Variants in CDK14 observed in about 807,000 individuals in gnomAD.
CDK14 encodes the protein cyclin-dependent kinase 14.
Under a neutral mutation model 60.7 loss-of-function variants are expected in CDK14, and 34 were observed. The observed-to-expected ratio is 0.56, with a 90% CI of 0.43 to 0.75. The LOEUF (loss-of-function observed/expected upper bound fraction) is 0.75. Among genes scored for constraint, CDK14 ranks in the 30% least tolerant of loss-of-function variants. The probability of loss-of-function intolerance (pLI) is 0.00; values close to 1 mark genes in which losing one functional copy is unlikely to be tolerated. For missense variants in CDK14, 482 were observed against 564.1 expected (o/e 0.85, Z 1.47); for synonymous variants, 197 against 203.7 (o/e 0.97, Z 0.28).
intron 8 of CDK14, among the ~76,000 whole-genome samples, chr7:90,935,647 G>C (rs1281619946): frequency 6.6e-6 from 1 of 151,308 alleles, no homozygotes. Flanking sequence ...CATGCATTCT[G>C]TTTTTTTTCA....
chr7:90,971,408 G>T (rs1236817493), intron 9 of CDK14, among the ~76,000 whole-genome samples: 1 of 152,058 alleles, frequency 6.6e-6, no homozygotes, highest in Non-Finnish European at 1.5e-5. Context: ...TAATTACTCT[G>T]CCTGACTTCT....
intron 4 of CDK14, among the ~76,000 whole-genome samples, chr7:90,764,584 T>C (rs1303829944): frequency 6.6e-6 from 1 of 152,166 alleles, no homozygotes; most frequent in East Asian, 1.9e-4. Context: ...CAGTGCAAGA[T>C]TGTATGGTAG....
chr7:90,699,130 A>G (rs965291490), intron 2 of CDK14, among the ~76,000 whole-genome samples: 10 of 152,256 alleles, frequency 6.6e-5, no homozygotes, highest in Admixed American at 4.6e-4. Flanking sequence ...CAATAGAAAC[A>G]GGAATACTGG....
intron 9 of CDK14, among the ~76,000 whole-genome samples, chr7:90,981,405 A>G (rs1326015234): frequency 1.3e-5 from 2 of 152,244 alleles, no homozygotes; most frequent in African/African-American, 4.8e-5. Flanking sequence ...CTTAAATAAA[A>G]TTACATCCTA....
chr7:90,999,797 A>C (rs1195924998), intron 10 of CDK14, among the ~76,000 whole-genome samples: 1 of 152,210 alleles, frequency 6.6e-6, no homozygotes, highest in Non-Finnish European at 1.5e-5. Context: ...AAACTCAGCA[A>C]CTTTTAATAG....
chr7:90,995,881 G>GATAAGCAGT (rs1371959132), intron 10 of CDK14, among the ~76,000 whole-genome samples: 4 of 152,214 alleles, frequency 2.6e-5, no homozygotes, highest in Non-Finnish European at 2.9e-5. Flanking sequence ...TAGTAAAACA[G>GATAAGCAGT]ATAAGCAGTC....
chr7:91,156,203 T>G (rs142175960), intron 14 of CDK14, among the ~76,000 whole-genome samples: 1,608 of 152,338 alleles, frequency 0.011, 39 homozygotes, highest in African/African-American at 0.037. Context: ...ATTTGTTGTT[T>G]GTTTTTTAAT....
chr7:90,650,876 G>A (rs1800621246), intron 2 of CDK14, among the ~76,000 whole-genome samples: 1 of 152,162 alleles, frequency 6.6e-6, no homozygotes, highest in Non-Finnish European at 1.5e-5. Context: ...AGTATAGTTT[G>A]AAGTCAGGTA....
At chr7:90,880,272 G>C (rs1197608097) in intron 6 of CDK14, among the ~76,000 whole-genome samples, 1 of 152,208 alleles carries the variant, frequency 6.6e-6, no homozygotes, top group Non-Finnish European at 1.5e-5. Flanking sequence ...TGAACAGCTT[G>C]TTCCCAAGAC....
intron 10 of CDK14, among the ~76,000 whole-genome samples, chr7:91,014,746 G>T (rs113059336): frequency 6.6e-6 from 1 of 152,150 alleles, no homozygotes; most frequent in Admixed American, 6.5e-5. Flanking sequence ...AAGTTTGTTC[G>T]ATTTCAGATA....
At chr7:90,809,562 A>C (rs1190251381) in intron 5 of CDK14, among the ~76,000 whole-genome samples, 2 of 152,204 alleles carry the variant, frequency 1.3e-5, no homozygotes, top group South Asian at 2.1e-4. Context: ...AATTAAAAGA[A>C]CTAGAGAAGC....
At chr7:91,039,829 C>T (rs1797039562) in intron 10 of CDK14, among the ~76,000 whole-genome samples, 1 of 152,096 alleles carries the variant, frequency 6.6e-6, no homozygotes, top group African/African-American at 2.4e-5. Context: ...CGGTGGCTCA[C>T]ACCCGTAGTC....
intron 11 of CDK14, among the ~76,000 whole-genome samples, chr7:91,075,051 C>A (rs1798257492): frequency 1.3e-5 from 2 of 152,192 alleles, no homozygotes; most frequent in Non-Finnish European, 2.9e-5. Flanking sequence ...CAGCCAAATT[C>A]TACCAGAGAT....
At chr7:90,821,211 T>A (rs2117077471) in intron 5 of CDK14, among the ~76,000 whole-genome samples, 1 of 152,280 alleles carries the variant, frequency 6.6e-6, no homozygotes, top group South Asian at 2.1e-4. Flanking sequence ...GCATGCAGGT[T>A]TATTGGAGAA....
chr7:90,913,401 C>T (rs944019154), intron 7 of CDK14, among the ~76,000 whole-genome samples: 6 of 152,294 alleles, frequency 3.9e-5, no homozygotes, highest in African/African-American at 1.2e-4. Flanking sequence ...GGGAAAACTA[C>T]CCCTTCACCC....
chr7:91,095,326 T>C (rs1436883834), intron 12 of CDK14, among the ~76,000 whole-genome samples: 1 of 152,156 alleles, frequency 6.6e-6, no homozygotes, highest in Non-Finnish European at 1.5e-5. Context: ...GAGAGTATAG[T>C]GAATGTGGGG....
At chr7:91,065,531 G>T (rs1019790158) in intron 11 of CDK14, among the ~76,000 whole-genome samples, 4 of 152,166 alleles carry the variant, frequency 2.6e-5, no homozygotes, top group African/African-American at 9.7e-5. Flanking sequence ...CACAAATACT[G>T]CTTTACTTCT....
At chr7:90,963,170 A>G (rs1470837503) in intron 9 of CDK14, among the ~76,000 whole-genome samples, 1 of 150,100 alleles carries the variant, frequency 6.7e-6, no homozygotes, top group African/African-American at 2.5e-5. Context: ...TACACCTGTA[A>G]TCCCAGCACT....
At chr7:90,621,488 G>C (rs943674621) in intron 2 of CDK14, among the ~76,000 whole-genome samples, 2 of 152,226 alleles carry the variant, frequency 1.3e-5, no homozygotes, top group Admixed American at 6.5e-5. Flanking sequence ...ACCTCTCTCT[G>C]AATCTCATTC....
Sources: allele counts gnomAD v4.1 joint callset (sites outside exome capture counted in the v4.1 genomes callset), GRCh38; gene constraint gnomAD v4.1.1; transcripts MANE v1.5; gene names NCBI Gene and HGNC (gene_info 2026-07-23, HGNC 2026-07-21).